The following CPPED1 variants were observed in gnomAD, a reference collection of about 807,000 sequenced individuals.
The protein encoded by CPPED1 is serine/threonine-protein phosphatase CPPED1.
CPPED1 carries 28 observed loss-of-function variants against 28.0 expected under a neutral mutation model. The ratio of observed to expected loss-of-function variants is 1.00; its 90% CI spans 0.74 to 1.37. The LOEUF (loss-of-function observed/expected upper bound fraction) is 1.37. Ranked by LOEUF, CPPED1 falls within the 40% of genes most tolerant of loss-of-function variation. The pLI is 0.00. For synonymous variants in CPPED1, 198 were observed against 180.2 expected (o/e 1.10, Z -0.79); for missense variants, 504 against 416.5 (o/e 1.21, Z -1.83).
chr16:12,739,354 TG>T (rs1170006339), intron 2 of CPPED1, among the ~76,000 whole-genome samples: 1 of 151,578 alleles, frequency 6.6e-6, no homozygotes, highest in East Asian at 1.9e-4. Flanking sequence ...CTGAGGCGGG[TG>T]GATCACCTGA....
chr16:12,722,072 G>A (rs1331247866), intron 2 of CPPED1, among the ~76,000 whole-genome samples: 20 of 152,104 alleles, frequency 1.3e-4, no homozygotes, highest in African/African-American at 7.2e-5. Flanking sequence ...ATAAGACCTC[G>A]CTAATCCCTA....
chr16:12,735,574 G>C (rs1567290505), intron 2 of CPPED1, among the ~76,000 whole-genome samples: 2 of 152,214 alleles, frequency 1.3e-5, no homozygotes, highest in Admixed American at 1.3e-4. Context: ...AAAGTGCTGG[G>C]ATTACAGGCA....
chr16:12,789,157 G>C (rs2080581360), intron 1 of CPPED1, among the ~76,000 whole-genome samples: 1 of 152,186 alleles, frequency 6.6e-6, no homozygotes, highest in South Asian at 2.1e-4. Flanking sequence ...GCATGCTAGT[G>C]ACTCTCTGGG....
intron 3 of CPPED1, among the ~76,000 whole-genome samples, chr16:12,704,291 G>A (rs2080035946): frequency 6.6e-6 from 1 of 152,112 alleles, no homozygotes; most frequent in African/African-American, 2.4e-5. Flanking sequence ...GCCACTTCCA[G>A]AACTCCAATC....
intron 3 of CPPED1, among the ~76,000 whole-genome samples, chr16:12,679,737 C>A (rs2079895621): frequency 6.6e-6 from 1 of 152,066 alleles, no homozygotes; most frequent in Non-Finnish European, 1.5e-5. Context: ...AGAAATGGTA[C>A]CCCAAAACAT....
chr16:12,742,939 A>T (rs2080264370), intron 2 of CPPED1, among the ~76,000 whole-genome samples: 1 of 152,210 alleles, frequency 6.6e-6, no homozygotes, highest in Non-Finnish European at 1.5e-5. Flanking sequence ...GCAGTCACAC[A>T]GGATGTGCTA....
chr16:12,773,338 A>C (rs1421732506), intron 2 of CPPED1, among the ~76,000 whole-genome samples: 1 of 152,242 alleles, frequency 6.6e-6, no homozygotes, highest in Non-Finnish European at 1.5e-5. Flanking sequence ...AGTCTAAAGG[A>C]ATAATGGTTC....
At position 12,709,075 on chromosome 16, in the gene CPPED1, T is replaced by C. The variant is rs192932185; in HGVS notation, c.290-4026A>G. ...AGCCTGGGTGACAAGAGCAAAACTC[T>C]GTCTCAAAAATGTCCCATTATATAT... On this transcript the variant is annotated intron_variant, in intron 2 of 3. Transcript: ENST00000381774. The surrounding 1 kb of genome is among the most constrained non-coding windows in gnomAD (Gnocchi z 4.4). 2.2e-4 allele frequency among the ~76,000 whole-genome samples: 34 copies of C among 152,246 alleles called. No individual in the cohort carries two copies. The highest frequency in any genetic ancestry group is 2.8e-4 in the Non-Finnish European group (19 of 68,010).
chr16:12,726,394 G>A (rs1009387232), intron 2 of CPPED1, among the ~76,000 whole-genome samples: 2 of 145,600 alleles, frequency 1.4e-5, no homozygotes, highest in Non-Finnish European at 3.0e-5. Flanking sequence ...CCAGGCTGGA[G>A]TGCAGTGGGG....
rs1176553204 is a variant in CPPED1 at position 12,663,574 on chromosome 16, T to C, written c.*1312A>G. 6.6e-6 allele frequency: 1 copy of C among 152,232 alleles called. No homozygotes were observed. The allele number at this position is 152,232 out of a possible 1,614,324, so 9.4% of individuals were successfully genotyped here. ...TATTGTATAATTAACTTCTCGTCTT[T>C]TGTTCCTTATGAATTTACATATTTA... On this transcript the variant is annotated 3_prime_UTR_variant, in exon 4 of 4. Transcript: ENST00000381774.
At chr16:12,742,124 C>T (rs1484776015) in intron 2 of CPPED1, among the ~76,000 whole-genome samples, 2 of 152,012 alleles carry the variant, frequency 1.3e-5, no homozygotes, top group African/African-American at 2.4e-5. Flanking sequence ...TATATTCTTA[C>T]AAATACATGA....
chr16:12,693,963 G>A lies in CPPED1; in HGVS notation c.715+10661C>T, dbSNP rs553382248. On this transcript the variant is annotated intron_variant, in intron 3 of 3. Coordinates refer to ENST00000381774, the MANE Select transcript of CPPED1 (RefSeq NM_018340.3). The stretch of plus-strand genomic sequence containing the variant: ...TCATGCCTGTAATCCCAGCACTTTA[G>A]GAGGGGCTGAGGTGGGCGGGTCACC... Among the ~76,000 whole-genome samples, 13 of 152,278 alleles carry A rather than the reference G, an allele frequency of 8.5e-5. No homozygotes were observed. In the South Asian group the frequency reaches 2.5e-3, roughly 29 times the overall value.
chr16:12,744,547 G>A (rs1275644029), intron 2 of CPPED1, among the ~76,000 whole-genome samples: 1 of 152,178 alleles, frequency 6.6e-6, no homozygotes, highest in Non-Finnish European at 1.5e-5. Flanking sequence ...GAGACAGGAC[G>A]CTAGTGAGAC....
intron 1 of CPPED1, among the ~76,000 whole-genome samples, chr16:12,792,762 G>T (rs60073492): frequency 0.045 from 6,825 of 152,118 alleles, 518 homozygotes; most frequent in African/African-American, 0.16. Flanking sequence ...CCCTGCACAC[G>T]CTCTCTTGCC....
intron 3 of CPPED1, among the ~76,000 whole-genome samples, chr16:12,667,136 C>CA (rs1028113910): frequency 2.0e-5 from 3 of 151,648 alleles, no homozygotes; most frequent in East Asian, 1.9e-4. Context: ...AAACAAAAAA[C>CA]AAAAAAAACA....
chr16:12,721,605 T>C (rs1370868739), intron 2 of CPPED1, among the ~76,000 whole-genome samples: 2 of 151,912 alleles, frequency 1.3e-5, no homozygotes, highest in Non-Finnish European at 2.9e-5. Context: ...ATAAAAAAAT[T>C]AGCCGGGCAT....
intron 2 of CPPED1, among the ~76,000 whole-genome samples, chr16:12,712,618 AT>A (rs2080086048): frequency 6.6e-6 from 1 of 152,224 alleles, no homozygotes; most frequent in Non-Finnish European, 1.5e-5. Flanking sequence ...GGAGATCCGA[AT>A]TTAGTGGCCA....
intron 3 of CPPED1, among the ~76,000 whole-genome samples, chr16:12,679,134 G>T (rs935272331): frequency 6.6e-6 from 1 of 152,182 alleles, no homozygotes; most frequent in Non-Finnish European, 1.5e-5. Context: ...CTCCTCAGGA[G>T]GACCTAAAGT....
At position 12,766,242 on chromosome 16, in the gene CPPED1, A is replaced by AATATATATATATAT. The variant is rs71393703; in HGVS notation, c.289+14929_289+14942dup. ...ACCCCATCTCTACAAAAAAAATACA[A>AATATATATATATAT]ATATATATATATATAGAGAGAGAGA... On this transcript the variant is annotated intron_variant, in intron 2 of 3. Coordinates refer to ENST00000381774, the MANE Select transcript of CPPED1 (RefSeq NM_018340.3). Among the ~76,000 whole-genome samples the AATATATATATATAT allele has an allele frequency of 6.8e-3, 853 of 126,278 alleles. 10 individuals carry two copies. The highest frequency in any genetic ancestry group is 9.7e-3 in the Non-Finnish European group (620 of 63,880). 82.8% of individuals were successfully genotyped at this position (126,278 alleles called of 152,430 possible). A position where few individuals can be genotyped will look rare whatever the true frequency, so the allele number is the denominator to read the frequency against.
Sources: gnomAD v4.1 joint callset for allele counts (sites outside exome capture counted in the v4.1 genomes callset) on GRCh38, gnomAD v4.1.1 for gene constraint, Gnocchi (gnomAD v3.1) non-coding constraint, MANE v1.5 for transcripts, NCBI Gene and HGNC (gene_info 2026-07-23, HGNC 2026-07-21) for gene names.